KHDC1: variants seen among roughly 807,000 people sequenced by gnomAD.
KHDC1 encodes the protein KH homology domain-containing protein 1.
A neutral mutation model predicts 24.7 loss-of-function variants in KHDC1; 21 were observed. The ratio of observed to expected loss-of-function variants is 0.85; its 90% CI spans 0.60 to 1.23. KHDC1 has a LOEUF of 1.23. Ranked by LOEUF, KHDC1 falls within the 50% of genes most tolerant of loss-of-function variation. KHDC1 has a pLI of 0.00. For synonymous variants in KHDC1, 98 were observed against 111.7 expected (o/e 0.88, Z 0.77); for missense variants, 274 against 298.5 (o/e 0.92, Z 0.61).
chr6:73,291,325 A>C, intron 2 of KHDC1: 1 of 206,220 alleles, frequency 4.8e-6, no homozygotes, highest in Non-Finnish European at 1.0e-5. Context: ...GAAATAAACA[A>C]CAGTTTCCAA....
intron 2 of KHDC1, among the ~76,000 whole-genome samples, chr6:73,270,985 C>G (rs556870424): frequency 1.3e-5 from 2 of 151,714 alleles, no homozygotes; most frequent in Non-Finnish European, 2.9e-5. Context: ...CCACCGCGCC[C>G]GGCCTGTTGC....
At chr6:73,308,583 C>T (rs948811845) in intron 1 of KHDC1, among the ~76,000 whole-genome samples, 1 of 151,572 alleles carries the variant, frequency 6.6e-6, no homozygotes, top group East Asian at 1.9e-4. Context: ...GATTTTGGCT[C>T]ACTGCAGCCT....
chr6:73,253,843 G>A (rs1372263519), intron 2 of KHDC1, among the ~76,000 whole-genome samples: 2 of 152,156 alleles, frequency 1.3e-5, no homozygotes, highest in African/African-American at 4.8e-5. Context: ...GGAATTTGAG[G>A]CTGCTGTGAG....
chr6:73,304,110 C>T (rs958576271), intron 1 of KHDC1, among the ~76,000 whole-genome samples: 2 of 151,524 alleles, frequency 1.3e-5, no homozygotes, highest in African/African-American at 2.4e-5. Context: ...ACCCAGGAGG[C>T]GGAGGTTGCA....
At chr6:73,255,712 G>T (rs981014290) in intron 2 of KHDC1, among the ~76,000 whole-genome samples, 1 of 148,992 alleles carries the variant, frequency 6.7e-6, no homozygotes, top group African/African-American at 2.5e-5. Context: ...GACCAGCCTG[G>T]CCAACACAGT....
At chr6:73,292,645 G>A in intron 1 of KHDC1, 1 of 756,148 alleles carries the variant, frequency 1.3e-6, no homozygotes, top group East Asian at 2.5e-5. Context: ...CAAAGGTTGT[G>A]ATAATATTGT....
chr6:73,269,201 T>A (rs1240042806), intron 2 of KHDC1: 1 of 153,142 alleles, frequency 6.5e-6, no homozygotes, highest in Admixed American at 6.5e-5. Context: ...CACCCGGAAC[T>A]CCAGCTGGCC....
intron 2 of KHDC1, among the ~76,000 whole-genome samples, chr6:73,267,383 T>C (rs1254514010): frequency 6.6e-6 from 1 of 152,114 alleles, no homozygotes; most frequent in African/African-American, 2.4e-5. Context: ...CTTGGGAGGC[T>C]GAGGCACGAG....
chr6:73,243,156 T>A (rs1400301623), intron 2 of KHDC1, among the ~76,000 whole-genome samples: 1 of 151,722 alleles, frequency 6.6e-6, no homozygotes, highest in Non-Finnish European at 1.5e-5. Flanking sequence ...AAGAGATTAA[T>A]GTGGTCTTCA....
intron 2 of KHDC1, among the ~76,000 whole-genome samples, chr6:73,258,360 T>C (rs909391142): frequency 6.6e-6 from 1 of 152,176 alleles, no homozygotes; most frequent in Admixed American, 6.5e-5. Context: ...GAAGGATCAC[T>C]TGAGCCTGGG....
At chr6:73,263,094 G>C (rs1483081899) in intron 2 of KHDC1, 1 of 1,023,202 alleles carries the variant, frequency 9.8e-7, no homozygotes, top group East Asian at 1.0e-4. Flanking sequence ...CTGCAGGCCT[G>C]GCCGATTGTG....
exon 1 of KHDC1, chr6:73,309,575 T>A: frequency 1.3e-6 from 2 of 1,531,834 alleles, no homozygotes; most frequent in South Asian, 1.2e-5. Flanking sequence ...GATCCAAAGG[T>A]GGAAAGACAC....
intron 2 of KHDC1, chr6:73,263,004 G>T: frequency 9.8e-7 from 1 of 1,016,988 alleles, no homozygotes; most frequent in East Asian, 1.0e-4. Context: ...GGAGGTGAGG[G>T]TGGCGCGCCG....
intron 2 of KHDC1, among the ~76,000 whole-genome samples, chr6:73,249,060 T>G (rs1344948132): frequency 1.3e-5 from 2 of 152,156 alleles, no homozygotes; most frequent in East Asian, 3.8e-4. Flanking sequence ...GTTAGCTTTG[T>G]GTACATGTTG....
At chr6:73,252,787 T>A (rs1283336844) in intron 2 of KHDC1, among the ~76,000 whole-genome samples, 14 of 151,300 alleles carry the variant, frequency 9.3e-5, no homozygotes, top group African/African-American at 3.4e-4. Flanking sequence ...ACTGAACTGC[T>A]GCCTGGGCAA....
rs865913447 is a variant in KHDC1 at position 73,267,652 on chromosome 6, A to G, written c.206+24346T>C. ...TAGAGAATTACCTTATGACCCAGCA[A>G]TTCCATTTTTAGGTATATATTCAAA... On this transcript the variant is annotated intron_variant, in intron 2 of 4. Transcript: ENST00000370384. Among the ~76,000 whole-genome samples, 5 of 152,322 alleles carry G rather than the reference A, an allele frequency of 3.3e-5. No individual in the cohort carries two copies. In the South Asian group the frequency reaches 8.3e-4, roughly 25 times the overall value.
At chr6:73,245,371 C>T (rs1766648048) in intron 2 of KHDC1, among the ~76,000 whole-genome samples, 1 of 152,150 alleles carries the variant, frequency 6.6e-6, no homozygotes, top group Non-Finnish European at 1.5e-5. Flanking sequence ...CTTCAGATTT[C>T]TAGTCATGCA....
rs566715493 is a variant in KHDC1 at position 73,254,784 on chromosome 6, C to T, written c.207-12254G>A. ...TTGGGAGGCCGAGGTGGGCGGATCA[C>T]GAGGTCAGGAGATTGAGACCAGCCT... is the stretch of plus-strand genomic sequence containing the variant. On this transcript the variant is annotated intron_variant, in intron 2 of 4. Transcript: ENST00000370384. Among the ~76,000 whole-genome samples, 135 of 152,078 alleles carry T rather than the reference C, an allele frequency of 8.9e-4. 1 individual carries two copies. Among genetic ancestry groups the T allele is most frequent in the Non-Finnish European group, 1.2e-3 (82 of 67,988 alleles).
At chr6:73,285,625 TGC>T (rs1562256314) in intron 2 of KHDC1, among the ~76,000 whole-genome samples, 1 of 151,030 alleles carries the variant, frequency 6.6e-6, no homozygotes, top group Non-Finnish European at 1.5e-5. Context: ...TGAGTCACTG[TGC>T]CCGGCCCATT....
Sources: allele counts gnomAD v4.1 joint callset (sites outside exome capture counted in the v4.1 genomes callset), GRCh38; gene constraint gnomAD v4.1.1; transcripts MANE v1.5; gene names NCBI Gene and HGNC (gene_info 2026-07-23, HGNC 2026-07-21).